The following FOXN3 variants were observed in gnomAD, a reference collection of about 807,000 sequenced individuals.
FOXN3 encodes the protein forkhead box N3.
Under a neutral mutation model 38.4 loss-of-function variants are expected in FOXN3, and 7 were observed. The observed-to-expected ratio is 0.18, with a 90% CI of 0.10 to 0.34. The LOEUF is 0.34. Among genes scored for constraint, FOXN3 ranks in the 10% least tolerant of loss-of-function variants. FOXN3 has a pLI of 1.00. For missense variants in FOXN3, 456 were observed against 613.4 expected, an observed-to-expected ratio of 0.74 and a Z score of 2.71; for synonymous variants, 230 against 242.2, an observed-to-expected ratio of 0.95 and a Z score of 0.47.
chr14:89,290,647 C>T (rs567405584), intron 3 of FOXN3: 26 of 466,568 alleles, frequency 5.6e-5, no homozygotes, highest in Admixed American at 2.7e-4. Flanking sequence ...AACTTGAACA[C>T]GGGTGCATGT....
chr14:89,403,030 G>C (rs1891292971), intron 2 of FOXN3, among the ~76,000 whole-genome samples: 1 of 152,116 alleles, frequency 6.6e-6, no homozygotes, highest in Admixed American at 6.6e-5. Flanking sequence ...GCCCCTCTTT[G>C]GGAAAGGGAA....
intron 1 of FOXN3, among the ~76,000 whole-genome samples, chr14:89,581,542 G>A (rs1163936019): frequency 6.6e-6 from 1 of 151,914 alleles, no homozygotes; most frequent in East Asian, 1.9e-4. Flanking sequence ...AAAGTTCCCT[G>A]GGTCACTTGT....
At chr14:89,507,241 A>T (rs1192780763) in intron 1 of FOXN3, among the ~76,000 whole-genome samples, 1 of 152,254 alleles carries the variant, frequency 6.6e-6, no homozygotes, top group East Asian at 1.9e-4. Flanking sequence ...ACCTAACAGC[A>T]TAATGGCAGA....
intron 1 of FOXN3, among the ~76,000 whole-genome samples, chr14:89,446,666 C>A (rs1218511181): frequency 6.6e-6 from 1 of 152,220 alleles, no homozygotes. Flanking sequence ...AAATTGTGAG[C>A]TCCATGTGGG....
intron 4 of FOXN3, among the ~76,000 whole-genome samples, chr14:89,219,980 T>A (rs1024282877): frequency 2.6e-5 from 4 of 152,186 alleles, no homozygotes; most frequent in Admixed American, 2.6e-4. Context: ...TGCAGTTGAC[T>A]ATTTTTTTAA....
chr14:89,335,961 G>C (rs1888440162), intron 3 of FOXN3, among the ~76,000 whole-genome samples: 1 of 152,092 alleles, frequency 6.6e-6, no homozygotes, highest in Non-Finnish European at 1.5e-5. Flanking sequence ...AACAAAACAA[G>C]AGGAAACCCT....
chr14:89,376,104 C>A (rs1427037829), intron 2 of FOXN3, among the ~76,000 whole-genome samples: 2 of 152,066 alleles, frequency 1.3e-5, no homozygotes, highest in Non-Finnish European at 2.9e-5. Context: ...TTTTTAAATA[C>A]CATTCTCCAC....
intron 1 of FOXN3, among the ~76,000 whole-genome samples, chr14:89,445,375 T>C (rs1407973588): frequency 6.6e-6 from 1 of 152,194 alleles, no homozygotes; most frequent in Admixed American, 6.5e-5. Context: ...GTCATTTTGT[T>C]TGCCTGGGGT....
chr14:89,405,418 G>A (rs1219711915), intron 2 of FOXN3, among the ~76,000 whole-genome samples: 4 of 152,138 alleles, frequency 2.6e-5, no homozygotes, highest in South Asian at 2.1e-4. Context: ...TTACAGACGT[G>A]AGCCACCACA....
intron 1 of FOXN3, among the ~76,000 whole-genome samples, chr14:89,426,288 G>A (rs569503238): frequency 1.5e-5 from 2 of 132,746 alleles, no homozygotes; most frequent in South Asian, 2.5e-4. Flanking sequence ...GCAGTGGCAT[G>A]ACCTCAGCTC....
intron 2 of FOXN3, among the ~76,000 whole-genome samples, chr14:89,405,654 G>A (rs1891368503): frequency 6.6e-6 from 1 of 152,134 alleles, no homozygotes; most frequent in Admixed American, 6.5e-5. Flanking sequence ...TGTGCTCTGT[G>A]CAGATGCAAG....
At chr14:89,289,761 T>A (rs976248766) in intron 3 of FOXN3, among the ~76,000 whole-genome samples, 3 of 152,214 alleles carry the variant, frequency 2.0e-5, no homozygotes, top group African/African-American at 7.2e-5. Flanking sequence ...GGTGAACATG[T>A]GCTCACGATA....
intron 1 of FOXN3, among the ~76,000 whole-genome samples, chr14:89,536,792 AAATTTAAAAAG>A (rs1894696875): frequency 6.6e-6 from 1 of 152,148 alleles, no homozygotes; most frequent in Non-Finnish European, 1.5e-5. Flanking sequence ...ATAAAAAAAA[AAATTTAAAAAG>A]ATTTTTAAAA....
chr14:89,371,740 G>A (rs1890323890), intron 2 of FOXN3, among the ~76,000 whole-genome samples: 2 of 152,054 alleles, frequency 1.3e-5, no homozygotes, highest in South Asian at 2.1e-4. Context: ...AGCAGAGAGG[G>A]GAGGAGGAGA....
intron 1 of FOXN3, among the ~76,000 whole-genome samples, chr14:89,487,796 T>C (rs1489563541): frequency 1.3e-5 from 2 of 152,022 alleles, no homozygotes; most frequent in African/African-American, 4.8e-5. Context: ...TTATAACGGC[T>C]GGAGAGTGTC....
chr14:89,330,394 G>A (rs1722337311), intron 3 of FOXN3, among the ~76,000 whole-genome samples: 1 of 152,202 alleles, frequency 6.6e-6, no homozygotes, highest in African/African-American at 2.4e-5. Context: ...CTACCCAGCT[G>A]CCCCTGACCT....
At chr14:89,235,483 C>T (rs1884952346) in intron 4 of FOXN3, among the ~76,000 whole-genome samples, 1 of 152,184 alleles carries the variant, frequency 6.6e-6, no homozygotes, top group Non-Finnish European at 1.5e-5. Flanking sequence ...GAACGCCCAG[C>T]AGGTCTTTGG....
intron 2 of FOXN3, among the ~76,000 whole-genome samples, chr14:89,385,449 G>A (rs1890765433): frequency 6.8e-6 from 1 of 146,552 alleles, no homozygotes; most frequent in Admixed American, 7.1e-5. Flanking sequence ...CGTGTCCTGA[G>A]GCAGATGAGA....
chr14:89,411,940 C>T lies in FOXN3; in HGVS notation c.537G>A (p.Arg179=). The change falls in exon 2 of 6, where the codon AGG becomes AGA. Residue 179 remains arginine, a synonymous_variant. Coordinates refer to ENST00000557258, the MANE Select transcript of FOXN3 (RefSeq NM_005197.4). ...TCCAGACACAGAGGCTTACCTGACTCCTCTCTTTGTCCACTTTCTTAAAAC... is the reference window on the plus strand; with the variant it reads ...TCCAGACACAGAGGCTTACCTGACTTCTCTCTTTGTCCACTTTCTTAAAAC... ...NKCFKKVDKE[R]SQSIGKGSLW... The T allele has an allele frequency of 6.8e-7, 1 of 1,479,394 alleles. No individual in the cohort carries two copies. The highest frequency in any genetic ancestry group is 9.0e-7 in the Non-Finnish European group (1 of 1,105,940). The allele number at this position is 1,479,394 out of a possible 1,614,324, so 91.6% of individuals were successfully genotyped here.
Sources: allele counts gnomAD v4.1 joint callset (sites outside exome capture counted in the v4.1 genomes callset), GRCh38; gene constraint gnomAD v4.1.1; transcripts MANE v1.5; gene names NCBI Gene and HGNC (gene_info 2026-07-23, HGNC 2026-07-21).